Variants in HERC3 observed in about 807,000 individuals in gnomAD.
HERC3 encodes the protein probable E3 ubiquitin-protein ligase HERC3.
HERC3 carries 58 observed loss-of-function variants against 129.9 expected under a neutral mutation model. That is an observed-to-expected ratio of 0.45 (90% CI 0.36 to 0.56). The LOEUF (loss-of-function observed/expected upper bound fraction) is 0.56, where lower values mean the gene tolerates loss of function less well. HERC3 is among the 20% of genes least tolerant of loss of function. HERC3 has a pLI of 0.00. For synonymous variants in HERC3, 430 were observed against 451.0 expected (o/e 0.95, Z 0.59); for missense variants, 835 against 1,244.2 (o/e 0.67, Z 4.95).
chr4:88,620,313 A>G (rs1725373132), intron 3 of HERC3, among the ~76,000 whole-genome samples: 1 of 152,234 alleles, frequency 6.6e-6, no homozygotes, highest in Non-Finnish European at 1.5e-5. Flanking sequence ...CCACTTGGAT[A>G]TGTAATTGCT....
intron 3 of HERC3, among the ~76,000 whole-genome samples, chr4:88,609,200 T>C (rs1210567785): frequency 6.6e-6 from 1 of 151,884 alleles, no homozygotes; most frequent in Non-Finnish European, 1.5e-5. Context: ...GGAAGGTCAC[T>C]TGAGCCCTGG....
At chr4:88,636,909 G>A (rs1168253099) in intron 3 of HERC3, among the ~76,000 whole-genome samples, 1 of 152,202 alleles carries the variant, frequency 6.6e-6, no homozygotes, top group African/African-American at 2.4e-5. Context: ...GCCGAGGTGG[G>A]CGGATTGCCT....
rs1466111123 is a variant in HERC3, at chr4:88,652,100, T to C, written c.463+12T>C. ...GGCTCTTGCGGCTGGTAAAGTAACA[T>C]TAAACATATGCTAATGCTATGTTAA... On this transcript the variant is annotated intron_variant, in intron 5 of 25. Transcript: ENST00000402738. The C allele has an allele frequency of 1.3e-6, 2 of 1,560,346 alleles. No homozygotes were observed. Among genetic ancestry groups the C allele is most frequent in the South Asian group, 2.2e-5 (2 of 89,980 alleles).
intron 11 of HERC3, among the ~76,000 whole-genome samples, chr4:88,662,768 A>G (rs913611806): frequency 9.9e-5 from 15 of 152,166 alleles, no homozygotes; most frequent in African/African-American, 3.6e-4. Flanking sequence ...CACACACAGT[A>G]TATGCCTCAA....
chr4:88,622,534 G>T (rs1412582766), intron 3 of HERC3, among the ~76,000 whole-genome samples: 1 of 152,160 alleles, frequency 6.6e-6, no homozygotes, highest in Non-Finnish European at 1.5e-5. Flanking sequence ...TGGTAACTCT[G>T]CGTTTAGCCT....
At chr4:88,698,735 C>G (rs953999331) in intron 23 of HERC3, among the ~76,000 whole-genome samples, 1 of 151,614 alleles carries the variant, frequency 6.6e-6, no homozygotes, top group Non-Finnish European at 1.5e-5. Context: ...CTTTCCACAC[C>G]ACATCTTCTC....
At chr4:88,675,802 G>T (rs1017674268) in intron 16 of HERC3, among the ~76,000 whole-genome samples, 1 of 151,248 alleles carries the variant, frequency 6.6e-6, no homozygotes, top group African/African-American at 2.4e-5. Flanking sequence ...CAGCCTGTGT[G>T]TATGTGTGTG....
At chr4:88,529,398 A>G in the HERC3 span, among the ~76,000 whole-genome samples, 12 of 152,340 alleles carry the variant, frequency 7.9e-5, no homozygotes, top group African/African-American at 2.9e-4. Context: ...TCGAGGTTAC[A>G]GTAAGGTATG....
At chr4:88,693,686 A>G (rs966572981) in intron 23 of HERC3, 34 of 984,432 alleles carry the variant, frequency 3.5e-5, no homozygotes, top group Non-Finnish European at 4.0e-5. Flanking sequence ...AAATGTGTCT[A>G]TGTGTATGCA....
intron 23 of HERC3, among the ~76,000 whole-genome samples, chr4:88,695,365 A>AT (rs955591978): frequency 1.3e-5 from 2 of 152,146 alleles, no homozygotes; most frequent in African/African-American, 2.4e-5. Context: ...ATGGCATCTG[A>AT]TTTTTTAATT....
intron 23 of HERC3, among the ~76,000 whole-genome samples, chr4:88,700,697 C>T (rs796400982): frequency 1.4e-4 from 21 of 150,090 alleles, no homozygotes; most frequent in African/African-American, 4.2e-4. Context: ...GGTGTGAAGC[C>T]GAGGGGGGTG....
At chr4:88,627,407 GTAT>G (rs1478273792) in intron 3 of HERC3, among the ~76,000 whole-genome samples, 20 of 151,996 alleles carry the variant, frequency 1.3e-4, no homozygotes, top group Non-Finnish European at 1.8e-4. Context: ...ATTATATTAG[GTAT>G]TATAAGTAAT....
chr4:88,698,611 CCT>C (rs139308464), intron 23 of HERC3, among the ~76,000 whole-genome samples: 1 of 104,012 alleles, frequency 9.6e-6, no homozygotes, highest in East Asian at 3.3e-4. Flanking sequence ...GCCAAGGCCC[CCT>C]CTTATCTTGG....
chr4:88,546,077 T>C, the HERC3 span, among the ~76,000 whole-genome samples: 1 of 152,266 alleles, frequency 6.6e-6, no homozygotes, highest in South Asian at 2.1e-4. Flanking sequence ...CAAGTGTATT[T>C]TGTGTTTATG....
intron 23 of HERC3, among the ~76,000 whole-genome samples, chr4:88,694,046 T>G (rs1734344285): frequency 6.6e-6 from 1 of 152,190 alleles, no homozygotes; most frequent in Admixed American, 6.5e-5. Flanking sequence ...CAAACATCCC[T>G]GTATCCTTAG....
At chr4:88,702,770 C>G (rs1735433053) in intron 23 of HERC3, among the ~76,000 whole-genome samples, 1 of 152,182 alleles carries the variant, frequency 6.6e-6, no homozygotes, top group Non-Finnish European at 1.5e-5. Flanking sequence ...GTGGCATGGT[C>G]AAGGGTATTT....
At chr4:88,617,357 T>TAACAAC (rs201293085) in intron 3 of HERC3, among the ~76,000 whole-genome samples, 2 of 151,880 alleles carry the variant, frequency 1.3e-5, no homozygotes, top group African/African-American at 4.8e-5. Flanking sequence ...AGAGAGCCCT[T>TAACAAC]AACAACAACA....
the HERC3 span, among the ~76,000 whole-genome samples, chr4:88,547,176 T>C: frequency 2.0e-3 from 302 of 152,302 alleles, 1 homozygote; most frequent in Non-Finnish European, 3.1e-3. Flanking sequence ...TCAGATAAAA[T>C]ATCACTACTC....
chr4:88,529,253 C>T, the HERC3 span, among the ~76,000 whole-genome samples: 56 of 152,216 alleles, frequency 3.7e-4, 2 homozygotes, highest in African/African-American at 1.2e-3. Context: ...TGCTTGAGGC[C>T]AGGAGTTCAA....
Sources: allele counts gnomAD v4.1 joint callset (sites outside exome capture counted in the v4.1 genomes callset), GRCh38; gene constraint gnomAD v4.1.1; transcripts MANE v1.5; gene names NCBI Gene and HGNC (gene_info 2026-07-23, HGNC 2026-07-21).